Variants in ATF2 observed in about 807,000 individuals in gnomAD.
The protein encoded by ATF2 is cyclic AMP-dependent transcription factor ATF-2.
In ATF2, 24 loss-of-function variants were observed where a neutral mutation model predicts 60.6. The ratio of observed to expected loss-of-function variants is 0.40; its 90% CI spans 0.29 to 0.56. The LOEUF (loss-of-function observed/expected upper bound fraction) is 0.56. Ranked by LOEUF, ATF2 falls within the 20% of genes least tolerant of loss-of-function variation. The pLI is 0.54. For synonymous variants in ATF2, 206 were observed against 215.4 expected (o/e 0.96, Z 0.38); for missense variants, 433 against 607.7 (o/e 0.71, Z 3.02).
At chr2:175,121,414 T>A (rs750112773) in intron 5 of ATF2, 30 bp downstream of exon 5, 96 of 1,482,518 alleles carry the variant, frequency 6.5e-5, no homozygotes, top group Non-Finnish European at 8.3e-5. Flanking sequence ...GAAATATGTA[T>A]ACAAGCTATT....
At chr2:175,136,897 T>C (rs1042678589) in intron 2 of ATF2, among the ~76,000 whole-genome samples, 1 of 152,008 alleles carries the variant, frequency 6.6e-6, no homozygotes, top group African/African-American at 2.4e-5. Context: ...GCCTAATTCA[T>C]CAAAATTTAT....
chr2:175,110,898 C>T (rs553582761), intron 10 of ATF2, among the ~76,000 whole-genome samples: 2 of 152,230 alleles, frequency 1.3e-5, no homozygotes, highest in East Asian at 1.9e-4. Flanking sequence ...TGAGCCACTG[C>T]GCCCGGCCCT....
intron 13 of ATF2, 108 bp downstream of exon 13, chr2:175,080,552 T>A: frequency 2.6e-6 from 2 of 775,204 alleles, no homozygotes; most frequent in Admixed American, 5.1e-5. Flanking sequence ...TGATATTTAA[T>A]CTTGAATATT....
Position 175,083,102 on chromosome 2 carries a change from C to T in ATF2, c.1186-2337G>A, listed in dbSNP as rs561269058. Among the ~76,000 whole-genome samples the T allele has an allele frequency of 2.6e-5, 4 of 151,954 alleles. No individual in the cohort carries two copies. In the South Asian group the frequency reaches 8.4e-4, roughly 32 times the overall value. On this transcript the variant is annotated intron_variant, in intron 12 of 13. Transcript: ENST00000264110. Reference sequence around the variant, plus strand: ...TAATTTATAGATTCAATGCCATCCCCATCAAGCTACCAATGACTTTCTTCA... The same window carrying T: ...TAATTTATAGATTCAATGCCATCCCTATCAAGCTACCAATGACTTTCTTCA...
chr2:175,126,338 A>G (rs558961116), intron 4 of ATF2, among the ~76,000 whole-genome samples: 6 of 152,288 alleles, frequency 3.9e-5, no homozygotes, highest in South Asian at 4.1e-4. Context: ...CCTTCCATCT[A>G]TACTATTGTG....
chr2:175,156,543 G>A (rs941554511), intron 1 of ATF2, among the ~76,000 whole-genome samples: 1 of 152,114 alleles, frequency 6.6e-6, no homozygotes, highest in Non-Finnish European at 1.5e-5. Context: ...AAGCACGAGA[G>A]GGATTTGACC....
intron 2 of ATF2, among the ~76,000 whole-genome samples, chr2:175,139,597 C>G (rs1044555277): frequency 6.7e-6 from 1 of 148,984 alleles, no homozygotes; most frequent in Admixed American, 6.7e-5. Context: ...TGCTTAAACC[C>G]GGGAGGCCGA....
chr2:175,093,918 A>C (rs1310289479), intron 11 of ATF2, among the ~76,000 whole-genome samples: 1 of 152,194 alleles, frequency 6.6e-6, no homozygotes, highest in Non-Finnish European at 1.5e-5. Context: ...CTTAATTTTC[A>C]TTTTAATTGT....
chr2:175,146,495 T>C (rs1698960917), intron 2 of ATF2, among the ~76,000 whole-genome samples: 1 of 152,142 alleles, frequency 6.6e-6, no homozygotes, highest in South Asian at 2.1e-4. Flanking sequence ...AAGTAAAAAA[T>C]AAAAACTTAT....
At chr2:175,102,449 AAG>A (rs1277405108) in intron 10 of ATF2, among the ~76,000 whole-genome samples, 3 of 152,200 alleles carry the variant, frequency 2.0e-5, no homozygotes, top group Non-Finnish European at 4.4e-5. Context: ...TAAGTACTCT[AAG>A]AAGTAAAGAT....
intron 13 of ATF2, among the ~76,000 whole-genome samples, chr2:175,078,663 G>C (rs747250746): frequency 4.6e-5 from 7 of 152,118 alleles, no homozygotes; most frequent in Non-Finnish European, 8.8e-5. Flanking sequence ...CTAAATCTTA[G>C]TTTTGATTCC....
chr2:175,126,377 G>A (rs186043192), intron 4 of ATF2, among the ~76,000 whole-genome samples: 36 of 152,136 alleles, frequency 2.4e-4, no homozygotes, highest in Non-Finnish European at 4.4e-4. Flanking sequence ...GCAAATATGG[G>A]AATTATGGAT....
chr2:175,116,188 T>A (rs1034611051), intron 7 of ATF2, among the ~76,000 whole-genome samples: 1 of 151,984 alleles, frequency 6.6e-6, no homozygotes, highest in Non-Finnish European at 1.5e-5. Flanking sequence ...AGAAAATGGA[T>A]TGGAGGTAGA....
intron 4 of ATF2, among the ~76,000 whole-genome samples, chr2:175,129,432 A>G (rs1273311539): frequency 6.6e-6 from 1 of 152,156 alleles, no homozygotes; most frequent in Non-Finnish European, 1.5e-5. Flanking sequence ...CATTTTAAGT[A>G]TATACAGTTT....
chr2:175,162,509 A>G (rs1227338268), intron 1 of ATF2, among the ~76,000 whole-genome samples: 1 of 152,256 alleles, frequency 6.6e-6, no homozygotes. Context: ...TTAGTATCCT[A>G]TAGAAACAAT....
At chr2:175,131,279 AAC>A (rs2105750282) in intron 3 of ATF2, among the ~76,000 whole-genome samples, 2 of 152,368 alleles carry the variant, frequency 1.3e-5, no homozygotes, top group Non-Finnish European at 2.9e-5. Flanking sequence ...TTTCTAGTCC[AAC>A]ACATAAAGAA....
chr2:175,099,774 G>A (rs1472233796), intron 10 of ATF2, among the ~76,000 whole-genome samples: 4 of 152,212 alleles, frequency 2.6e-5, no homozygotes, highest in Non-Finnish European at 5.9e-5. Context: ...TGTTAAGCTA[G>A]TTCAAATCCT....
intron 1 of ATF2, among the ~76,000 whole-genome samples, chr2:175,162,892 G>A (rs555635464): frequency 6.6e-6 from 1 of 152,272 alleles, no homozygotes; most frequent in East Asian, 1.9e-4. Context: ...CCAGCACTTT[G>A]GGAGGCCGAG....
At chr2:175,112,577 A>C (rs1696273326) in intron 9 of ATF2, among the ~76,000 whole-genome samples, 1 of 152,182 alleles carries the variant, frequency 6.6e-6, no homozygotes, top group African/African-American at 2.4e-5. Context: ...AGCTTTTAAA[A>C]ATAAGTTTTA....
Sources: allele counts gnomAD v4.1 joint callset (sites outside exome capture counted in the v4.1 genomes callset), GRCh38; gene constraint gnomAD v4.1.1; transcripts MANE v1.5; gene names NCBI Gene and HGNC (gene_info 2026-07-23, HGNC 2026-07-21).